The following TM7SF3 variants were observed in gnomAD, a reference collection of about 807,000 sequenced individuals.
TM7SF3 encodes seven span transmembrane protein.
TM7SF3 carries 60 observed loss-of-function variants against 65.5 expected under a neutral mutation model. The ratio of observed to expected loss-of-function variants is 0.92; its 90% confidence interval spans 0.74 to 1.14. TM7SF3 has a LOEUF of 1.14. TM7SF3 is among the 50% of genes most tolerant of loss of function. TM7SF3 has a pLI of 0.00. For missense variants in TM7SF3, 623 were observed against 684.8 expected (o/e 0.91, Z 1.01); for synonymous variants, 264 against 259.6 (o/e 1.02, Z -0.16).
At chr12:27,003,142 AAG>A in intron 2 of TM7SF3, 92 bp downstream of exon 2, 1 of 869,310 alleles carries the variant, frequency 1.2e-6, no homozygotes, top group Non-Finnish European at 1.7e-6. Flanking sequence ...ATAAACATAA[AAG>A]AGATAGAGAT....
intron 6 of TM7SF3, among the ~76,000 whole-genome samples, chr12:26,988,425 A>G (rs781566239): frequency 6.8e-4 from 103 of 152,172 alleles, no homozygotes; most frequent in Non-Finnish European, 1.2e-3. Flanking sequence ...TGACCTCCCA[A>G]TGTGCTGGGA....
chr12:26,992,563 C>T (rs1432088656), intron 5 of TM7SF3, among the ~76,000 whole-genome samples: 1 of 152,108 alleles, frequency 6.6e-6, no homozygotes, highest in Non-Finnish European at 1.5e-5. Flanking sequence ...GGATTACAGG[C>T]GTGAGCCACC....
chr12:27,012,826 C>A, intron 1 of TM7SF3: 1 of 412,800 alleles, frequency 2.4e-6, no homozygotes, highest in Admixed American at 2.8e-5. Context: ...GGTGAAACCC[C>A]GCCTGTACTA....
At position 26,972,772 on chromosome 12, in the gene TM7SF3, G is replaced by T. The variant is rs749384124; in HGVS notation, c.*1193C>A. On this transcript the variant is annotated 3_prime_UTR_variant, in exon 12 of 12. Coordinates refer to ENST00000343028, the MANE Select transcript of TM7SF3 (RefSeq NM_016551.3). ...GTCGGCAATATAGATTAAGGTGGGG[G>T]TTATTTCCTAAAAACAAAAGTAATC... Among the ~76,000 whole-genome samples the T allele has an allele frequency of 3.3e-5, 5 of 151,642 alleles. No individual in the cohort carries two copies. Among genetic ancestry groups the T allele is most frequent in the Middle Eastern group, 3.2e-3 (1 of 316 alleles).
intron 5 of TM7SF3, 113 bp downstream of exon 5, chr12:26,995,124 T>C (rs1940535101): frequency 1.9e-6 from 2 of 1,045,538 alleles, no homozygotes; most frequent in African/African-American, 3.2e-5. Flanking sequence ...AAAGTGAGTG[T>C]CCCCCAAAAA....
intron 2 of TM7SF3, among the ~76,000 whole-genome samples, chr12:27,000,353 T>C (rs1229804737): frequency 6.6e-6 from 1 of 152,232 alleles, no homozygotes; most frequent in East Asian, 1.9e-4. Context: ...TCTTAGTTTC[T>C]AAGACCACTA....
At chr12:26,999,921 G>A (rs950984491) in intron 2 of TM7SF3, 16 of 421,558 alleles carry the variant, frequency 3.8e-5, no homozygotes, top group African/African-American at 2.9e-4. Flanking sequence ...AGTACCACAG[G>A]TAAGGTGGTT....
chr12:27,003,150 G>C (rs1217936058), intron 2 of TM7SF3, 86 bp downstream of exon 2: 2 of 902,974 alleles, frequency 2.2e-6, no homozygotes, highest in South Asian at 3.5e-5. Flanking sequence ...AAAAGAGATA[G>C]AGATATCAAA....
Position 26,973,832 on chromosome 12 carries a change from A to G in TM7SF3, c.*133T>C. 1 of 1,153,704 alleles carries G rather than the reference A, an allele frequency of 8.7e-7. No homozygotes were observed. Among genetic ancestry groups the G allele is most frequent in the South Asian group, 1.5e-5 (1 of 65,168 alleles). 71.5% of individuals were successfully genotyped at this position (1,153,704 alleles called of 1,614,324 possible). ...CCTAGTACACCCTTACCATATATCA[A>G]TAAGGGCACCATAATATTATGCAAA... On this transcript the variant is annotated 3_prime_UTR_variant, in exon 12 of 12. Transcript: ENST00000343028.
chr12:26,990,741 T>A, intron 5 of TM7SF3, 114 bp from the exon 6 acceptor site: 1 of 790,750 alleles, frequency 1.3e-6, no homozygotes, highest in Non-Finnish European at 2.0e-6. Context: ...TAATTCTTGC[T>A]TAAAATATAC....
chr12:26,973,077 A>C lies in TM7SF3; in HGVS notation c.*888T>G, dbSNP rs1939424844. The stretch of plus-strand genomic sequence containing the variant: ...TTTATCACAACTTAAAAATTTTAAA[A>C]AATACTGAAAAAAAAACAAAGGGTA... On this transcript the variant is annotated 3_prime_UTR_variant, in exon 12 of 12. Coordinates refer to ENST00000343028, the MANE Select transcript of TM7SF3 (RefSeq NM_016551.3). 6.6e-6 allele frequency: 1 copy of C among 152,126 alleles called. No homozygotes were observed. The highest frequency in any genetic ancestry group is 2.4e-5 in the African/African-American group (1 of 41,376). The allele number at this position is 152,126 out of a possible 1,614,324, so 9.4% of individuals were successfully genotyped here. A position where few individuals can be genotyped will look rare whatever the true frequency, so the allele number is the denominator to read the frequency against.
chr12:26,987,817 T>A (rs1399234708), intron 6 of TM7SF3, among the ~76,000 whole-genome samples: 1 of 152,100 alleles, frequency 6.6e-6, no homozygotes, highest in Non-Finnish European at 1.5e-5. Flanking sequence ...GTTACTTCAG[T>A]GGAGAAACTT....
At chr12:27,008,721 T>G (rs1318384638) in intron 1 of TM7SF3, among the ~76,000 whole-genome samples, 1 of 152,150 alleles carries the variant, frequency 6.6e-6, no homozygotes, top group East Asian at 1.9e-4. Context: ...CACAGTTCAT[T>G]GTTTCATATG....
At chr12:27,000,588 T>G (rs997265135) in intron 2 of TM7SF3, among the ~76,000 whole-genome samples, 1 of 152,062 alleles carries the variant, frequency 6.6e-6, no homozygotes, top group South Asian at 2.1e-4. Flanking sequence ...GCCTCCCAAG[T>G]AGCTGGGACT....
At chr12:26,989,797 T>C (rs1395570723) in intron 6 of TM7SF3, among the ~76,000 whole-genome samples, 1 of 152,308 alleles carries the variant, frequency 6.6e-6, no homozygotes, top group East Asian at 1.9e-4. Context: ...GCCTCCGTCT[T>C]TTCTCAAAAA....
At chr12:27,004,748 T>A (rs1940966333) in intron 1 of TM7SF3, among the ~76,000 whole-genome samples, 1 of 152,204 alleles carries the variant, frequency 6.6e-6, no homozygotes, top group African/African-American at 2.4e-5. Context: ...TACATTACAT[T>A]CATAACTTAA....
intron 4 of TM7SF3, among the ~76,000 whole-genome samples, chr12:26,996,234 C>T (rs1023803550): frequency 6.6e-6 from 1 of 151,838 alleles, no homozygotes; most frequent in African/African-American, 2.4e-5. Context: ...CCTAGGGAAA[C>T]TTTCTGTAAA....
intron 6 of TM7SF3, among the ~76,000 whole-genome samples, chr12:26,989,784 C>A (rs913742133): frequency 2.0e-5 from 3 of 152,192 alleles, no homozygotes; most frequent in Non-Finnish European, 2.9e-5. Flanking sequence ...CATTTCTGCT[C>A]TTGCCTCCGT....
At chr12:26,977,134 G>A (rs1287437258) in intron 9 of TM7SF3, among the ~76,000 whole-genome samples, 1 of 152,244 alleles carries the variant, frequency 6.6e-6, no homozygotes. Flanking sequence ...CCAGGTCAGA[G>A]TGGAAGACTG....
Sources: gnomAD v4.1 joint callset for allele counts (sites outside exome capture counted in the v4.1 genomes callset) on GRCh38, gnomAD v4.1.1 for gene constraint, MANE v1.5 for transcripts, NCBI Gene and HGNC (gene_info 2026-07-23, HGNC 2026-07-21) for gene names.